PCDH9: variants seen among roughly 807,000 people sequenced by gnomAD.
PCDH9 encodes protocadherin 9.
Under a neutral mutation model 70.6 loss-of-function variants are expected in PCDH9, and 24 were observed. The observed-to-expected ratio is 0.34, with a 90% CI of 0.25 to 0.48. The LOEUF (loss-of-function observed/expected upper bound fraction) is 0.48. PCDH9 is among the 20% of genes least tolerant of loss of function. PCDH9 has a pLI of 0.99. For missense variants in PCDH9, 1,281 were observed against 1,503.6 expected, an observed-to-expected ratio of 0.85 and a Z score of 2.45; for synonymous variants, 562 against 558.5, an observed-to-expected ratio of 1.01 and a Z score of -0.09.
At chr13:67,039,597 C>A (rs260156) in intron 2 of PCDH9, among the ~76,000 whole-genome samples, 92,680 of 152,024 alleles carry the variant, frequency 0.61, 28,883 homozygotes, top group African/African-American at 0.73. Flanking sequence ...GTTCAGCTTT[C>A]CATTGTGTGT....
At chr13:66,803,369 C>T (rs2080356863) in intron 3 of PCDH9, among the ~76,000 whole-genome samples, 1 of 152,136 alleles carries the variant, frequency 6.6e-6, no homozygotes, top group South Asian at 2.1e-4. Context: ...CATTTAAGAG[C>T]TAAATTAAAC....
At chr13:67,148,886 G>T (rs2087589294) in intron 2 of PCDH9, among the ~76,000 whole-genome samples, 1 of 152,154 alleles carries the variant, frequency 6.6e-6, no homozygotes, top group South Asian at 2.1e-4. Flanking sequence ...ATTATATTAA[G>T]TTTTTGATTC....
intron 4 of PCDH9, among the ~76,000 whole-genome samples, chr13:66,591,074 A>G (rs2077034101): frequency 6.6e-6 from 1 of 151,784 alleles, no homozygotes; most frequent in Non-Finnish European, 1.5e-5. Flanking sequence ...TTTCAAGTTA[A>G]TGTTAGTCTA....
At chr13:66,900,966 G>A (rs938832022) in intron 3 of PCDH9, among the ~76,000 whole-genome samples, 3 of 151,420 alleles carry the variant, frequency 2.0e-5, no homozygotes, top group Non-Finnish European at 4.4e-5. Context: ...CAATTTTGTA[G>A]GTTATAATCA....
chr13:67,095,567 T>C (rs2086303418), intron 2 of PCDH9, among the ~76,000 whole-genome samples: 1 of 152,116 alleles, frequency 6.6e-6, no homozygotes, highest in Non-Finnish European at 1.5e-5. Context: ...ATTGAGGAAT[T>C]ACAACTTACT....
intron 2 of PCDH9, among the ~76,000 whole-genome samples, chr13:66,941,316 A>G (rs540324923): frequency 3.7e-4 from 56 of 151,930 alleles, no homozygotes; most frequent in African/African-American, 5.1e-4. Context: ...ATTATAAAAT[A>G]ATCCAAAACA....
At chr13:66,321,166 T>C (rs1955746384) in intron 4 of PCDH9, among the ~76,000 whole-genome samples, 2 of 152,038 alleles carry the variant, frequency 1.3e-5, no homozygotes, top group African/African-American at 4.8e-5. Flanking sequence ...CCAAGTTCTA[T>C]GGCATTAAGT....
At chr13:66,682,341 A>T (rs2078335526) in intron 3 of PCDH9, among the ~76,000 whole-genome samples, 1 of 147,660 alleles carries the variant, frequency 6.8e-6, no homozygotes, top group Non-Finnish European at 1.5e-5. Flanking sequence ...CTATGCCTGT[A>T]GCTGTATTTA....
chr13:66,606,514 A>T (rs948573871), intron 4 of PCDH9, among the ~76,000 whole-genome samples: 27 of 152,222 alleles, frequency 1.8e-4, no homozygotes, highest in African/African-American at 6.5e-4. Context: ...AATAGGTCTT[A>T]TTTTTTGTCT....
intron 3 of PCDH9, among the ~76,000 whole-genome samples, chr13:66,769,256 A>G (rs2079766103): frequency 1.3e-5 from 2 of 152,160 alleles, no homozygotes; most frequent in South Asian, 4.1e-4. Flanking sequence ...GACCTAATTA[A>G]GAGGAGGCCC....
chr13:66,925,749 A>C (rs528735639), intron 2 of PCDH9, among the ~76,000 whole-genome samples: 29 of 152,086 alleles, frequency 1.9e-4, no homozygotes, highest in Non-Finnish European at 3.5e-4. Context: ...AATATGTAAT[A>C]AAATAAGTAG....
chr13:67,177,228 T>TGA (rs2088486297), intron 2 of PCDH9, among the ~76,000 whole-genome samples: 1 of 152,150 alleles, frequency 6.6e-6, no homozygotes, highest in Non-Finnish European at 1.5e-5. Context: ...TTTCTTGTTA[T>TGA]TAAATAATTC....
At chr13:66,386,806 A>T (rs370851609) in intron 4 of PCDH9, among the ~76,000 whole-genome samples, 15 of 152,300 alleles carry the variant, frequency 9.8e-5, no homozygotes, top group African/African-American at 3.4e-4. Context: ...AAAATACCAG[A>T]CAGAGAACTA....
At chr13:67,180,313 A>G (rs1308924042) in intron 2 of PCDH9, among the ~76,000 whole-genome samples, 1 of 152,100 alleles carries the variant, frequency 6.6e-6, no homozygotes, top group Non-Finnish European at 1.5e-5. Flanking sequence ...TCTGTAGGCT[A>G]TGTCGCTAGC....
chr13:66,843,911 T>G (rs535425226), intron 3 of PCDH9, among the ~76,000 whole-genome samples: 1 of 152,210 alleles, frequency 6.6e-6, no homozygotes, highest in Admixed American at 6.5e-5. Context: ...TGTAAGTGCA[T>G]TCAGGGCTTA....
At chr13:67,087,581 G>A (rs1035638007) in intron 2 of PCDH9, among the ~76,000 whole-genome samples, 5 of 151,934 alleles carry the variant, frequency 3.3e-5, no homozygotes, top group Non-Finnish European at 5.9e-5. Context: ...GCACATTTTG[G>A]AGCTGTAAAA....
chr13:66,544,698 T>C (rs1566405767), intron 4 of PCDH9, among the ~76,000 whole-genome samples: 1 of 152,084 alleles, frequency 6.6e-6, no homozygotes. Context: ...GAACTTTCTA[T>C]GAAAGGAGAG....
At chr13:67,033,051 G>A (rs1452130526) in intron 2 of PCDH9, among the ~76,000 whole-genome samples, 2 of 151,964 alleles carry the variant, frequency 1.3e-5, no homozygotes, top group African/African-American at 2.4e-5. Flanking sequence ...ACAAGCTGCA[G>A]TTACTTCCCT....
At chr13:66,738,626 C>T (rs910459025) in intron 3 of PCDH9, among the ~76,000 whole-genome samples, 1 of 142,754 alleles carries the variant, frequency 7.0e-6, no homozygotes, top group Non-Finnish European at 1.5e-5. Context: ...ACTAGAAGAA[C>T]CAATACAGAG....
Sources: gnomAD v4.1 joint callset for allele counts (sites outside exome capture counted in the v4.1 genomes callset) on GRCh38, gnomAD v4.1.1 for gene constraint, MANE v1.5 for transcripts, NCBI Gene and HGNC (gene_info 2026-07-23, HGNC 2026-07-21) for gene names.